The following VAT1L variants were observed in gnomAD, a reference collection of about 807,000 sequenced individuals.
VAT1L encodes the protein vesicle amine transport 1 like.
VAT1L carries 34 observed loss-of-function variants against 44.1 expected under a neutral mutation model. The ratio of observed to expected loss-of-function variants is 0.77; its 90% CI spans 0.59 to 1.03. VAT1L has a LOEUF of 1.03. Among genes scored for constraint, VAT1L ranks in the 50% least tolerant of loss-of-function variants. The pLI is 0.00. For missense variants in VAT1L, 615 were observed against 538.8 expected, an observed-to-expected ratio of 1.14 and a Z score of -1.40; for synonymous variants, 253 against 202.2, an observed-to-expected ratio of 1.25 and a Z score of -2.13.
At chr16:77,967,648 G>C (rs941036922) in intron 7 of VAT1L, among the ~76,000 whole-genome samples, 1 of 152,206 alleles carries the variant, frequency 6.6e-6, no homozygotes, top group Non-Finnish European at 1.5e-5. Context: ...ATGCAGATTA[G>C]AGGCAGCCCT....
intron 1 of VAT1L, among the ~76,000 whole-genome samples, chr16:77,809,598 ATGTC>A (rs1416441128): frequency 5.7e-4 from 87 of 152,220 alleles, no homozygotes; most frequent in Non-Finnish European, 1.1e-3. Flanking sequence ...GAAAAAATAA[ATGTC>A]ATGATGATCC....
chr16:77,953,214 C>G (rs2018064351), intron 7 of VAT1L, among the ~76,000 whole-genome samples: 1 of 152,132 alleles, frequency 6.6e-6, no homozygotes, highest in Admixed American at 6.6e-5. Context: ...CAGTAGGAAC[C>G]AATCCGGCTG....
intron 7 of VAT1L, among the ~76,000 whole-genome samples, chr16:77,922,837 T>C (rs1276459205): frequency 6.6e-6 from 1 of 152,180 alleles, no homozygotes. Context: ...TTCCAACCCA[T>C]GCCACTCTCA....
At chr16:77,915,611 G>A (rs1253041913) in intron 7 of VAT1L, among the ~76,000 whole-genome samples, 5 of 152,152 alleles carry the variant, frequency 3.3e-5, no homozygotes, top group Non-Finnish European at 2.9e-5. Context: ...GAAGTGCATG[G>A]GTTAAAACTG....
At chr16:77,847,263 C>T (rs1056814207) in intron 3 of VAT1L, among the ~76,000 whole-genome samples, 1 of 151,652 alleles carries the variant, frequency 6.6e-6, no homozygotes, top group African/African-American at 2.4e-5. Flanking sequence ...TGTGCCTTTA[C>T]TTCTTTTGTT....
rs1181767319 is a variant in VAT1L at position 77,806,795 on chromosome 16, T to A, written c.234-10126T>A. Reference sequence around the variant, plus strand: ...AACATATCTTAGGAAACAGCTGTCATATCATAGCAAAAATGGACTGTTTCT... The same window carrying A: ...AACATATCTTAGGAAACAGCTGTCAAATCATAGCAAAAATGGACTGTTTCT... On this transcript the variant is annotated intron_variant, in intron 1 of 8. Transcript: ENST00000302536. 3.3e-5 allele frequency among the ~76,000 whole-genome samples: 5 copies of A among 152,290 alleles called. No individual in the cohort carries two copies. The South Asian group carries it at 1.0e-3, about 32-fold the overall frequency.
At chr16:77,870,447 G>T (rs1223731423) in intron 4 of VAT1L, among the ~76,000 whole-genome samples, 1 of 152,138 alleles carries the variant, frequency 6.6e-6, no homozygotes, top group Non-Finnish European at 1.5e-5. Context: ...AAGGTCAAAG[G>T]GTTTCTCTCT....
intron 3 of VAT1L, among the ~76,000 whole-genome samples, chr16:77,831,570 G>C (rs1382940729): frequency 6.6e-6 from 1 of 152,100 alleles, no homozygotes; most frequent in Admixed American, 6.5e-5. Flanking sequence ...CCCAAATTGA[G>C]GGAAAGTCTA....
intron 7 of VAT1L, among the ~76,000 whole-genome samples, chr16:77,935,275 C>CT (rs2017780006): frequency 6.6e-6 from 1 of 152,078 alleles, no homozygotes; most frequent in African/African-American, 2.4e-5. Flanking sequence ...ATAATTGAGA[C>CT]TTTTTTATGG....
intron 7 of VAT1L, among the ~76,000 whole-genome samples, chr16:77,951,857 GA>G (rs1597118155): frequency 1.3e-5 from 2 of 148,498 alleles, no homozygotes; most frequent in Non-Finnish European, 3.0e-5. Flanking sequence ...AAAAAAACAC[GA>G]AAAAACAAAC....
intron 4 of VAT1L, among the ~76,000 whole-genome samples, chr16:77,873,472 G>A (rs1337923987): frequency 6.6e-6 from 1 of 152,172 alleles, no homozygotes; most frequent in East Asian, 1.9e-4. Flanking sequence ...CATTCATTCA[G>A]TTACCCATTC....
At chr16:77,837,675 G>A (rs1451626878) in intron 3 of VAT1L, among the ~76,000 whole-genome samples, 2 of 152,204 alleles carry the variant, frequency 1.3e-5, no homozygotes, top group Non-Finnish European at 2.9e-5. Context: ...GTCAGAGCTG[G>A]TTTTCATGCC....
At chr16:77,935,269 T>C (rs546977403) in intron 7 of VAT1L, among the ~76,000 whole-genome samples, 15 of 152,120 alleles carry the variant, frequency 9.9e-5, no homozygotes, top group Admixed American at 2.0e-4. Flanking sequence ...AAAGTGATAA[T>C]TGAGACTTTT....
intron 7 of VAT1L, among the ~76,000 whole-genome samples, chr16:77,948,147 T>C (rs138147285): frequency 2.3e-3 from 343 of 152,280 alleles, no homozygotes; most frequent in African/African-American, 7.9e-3. Flanking sequence ...TCTTCATTCA[T>C]AGCTAGGATA....
chr16:77,904,380 A>C (rs1247169231), intron 7 of VAT1L, among the ~76,000 whole-genome samples: 1 of 152,134 alleles, frequency 6.6e-6, no homozygotes, highest in Non-Finnish European at 1.5e-5. Context: ...AGTGGCTTAA[A>C]CAATAGAGAT....
chr16:77,929,765 A>G (rs1197724871), intron 7 of VAT1L, among the ~76,000 whole-genome samples: 1 of 152,184 alleles, frequency 6.6e-6, no homozygotes, highest in African/African-American at 2.4e-5. Context: ...TTGATGAAAC[A>G]TTTACAGGTT....
intron 7 of VAT1L, among the ~76,000 whole-genome samples, chr16:77,967,682 T>G (rs1275996224): frequency 6.6e-6 from 1 of 152,174 alleles, no homozygotes; most frequent in Non-Finnish European, 1.5e-5. Flanking sequence ...TCTCCTAGCA[T>G]CACAATAAGC....
At chr16:77,825,021 C>T (rs1360758967) in intron 2 of VAT1L, among the ~76,000 whole-genome samples, 1 of 151,804 alleles carries the variant, frequency 6.6e-6, no homozygotes, top group African/African-American at 2.4e-5. Context: ...CATGCGCCAT[C>T]ACGCCTGGTG....
chr16:77,862,614 C>T lies in VAT1L; in HGVS notation c.580-134C>T. 18 of 897,218 alleles carry T rather than the reference C, an allele frequency of 2.0e-5. 1 individual carries two copies. The South Asian group carries it at 3.4e-4, about 17-fold the overall frequency. The allele number at this position is 897,218 out of a possible 1,614,324, so 55.6% of individuals were successfully genotyped here. On this transcript the variant is annotated intron_variant, in intron 3 of 8. Transcript: ENST00000302536. ...CTCCAGCCTGAGTGACAGAGTGAGA[C>T]TCCATCTCTAAAAAAAAAAAAAAAA...
Sources: gnomAD v4.1 joint callset for allele counts (sites outside exome capture counted in the v4.1 genomes callset) on GRCh38, gnomAD v4.1.1 for gene constraint, MANE v1.5 for transcripts, NCBI Gene and HGNC (gene_info 2026-07-23, HGNC 2026-07-21) for gene names.